KLHL1: variants seen among roughly 807,000 people sequenced by gnomAD.
KLHL1 encodes the protein kelch-like protein 1.
A neutral mutation model predicts 77.7 loss-of-function variants in KLHL1; 47 were observed. The ratio of observed to expected loss-of-function variants is 0.60; its 90% CI spans 0.48 to 0.77. KLHL1 has a LOEUF of 0.77. Among genes scored for constraint, KLHL1 ranks in the 30% least tolerant of loss-of-function variants. KLHL1 has a pLI of 0.00. For missense variants in KLHL1, 925 were observed against 910.8 expected (o/e 1.02, Z -0.20); for synonymous variants, 360 against 325.2 (o/e 1.11, Z -1.15).
At chr13:69,982,531 C>T (rs1884742317) in intron 1 of KLHL1, among the ~76,000 whole-genome samples, 2 of 148,112 alleles carry the variant, frequency 1.4e-5, no homozygotes, top group Admixed American at 6.7e-5. Flanking sequence ...ATCACTTAAC[C>T]TCAAAGGAAG....
chr13:69,960,919 G>C (rs764253664), intron 3 of KLHL1, among the ~76,000 whole-genome samples: 2 of 151,912 alleles, frequency 1.3e-5, no homozygotes, highest in Non-Finnish European at 2.9e-5. Flanking sequence ...TTACGTTAAA[G>C]TAACACATTC....
chr13:70,089,946 A>G (rs1887634350), intron 1 of KLHL1, among the ~76,000 whole-genome samples: 1 of 152,084 alleles, frequency 6.6e-6, no homozygotes, highest in African/African-American at 2.4e-5. Flanking sequence ...AAAGCTAGTT[A>G]TGATATGTTG....
chr13:70,019,615 G>T (rs1310960757), intron 1 of KLHL1, among the ~76,000 whole-genome samples: 1 of 152,104 alleles, frequency 6.6e-6, no homozygotes, highest in Non-Finnish European at 1.5e-5. Context: ...TTAAGTAGTT[G>T]CTATTACTAC....
In KLHL1 at chr13:70,012,316, T is replaced by G. The variant is rs558850261; in HGVS notation, c.498-36514A>C. 7.9e-5 allele frequency among the ~76,000 whole-genome samples: 12 copies of G among 152,340 alleles called. No homozygotes were observed. In the South Asian group the frequency reaches 2.5e-3, roughly 32 times the overall value. On this transcript the variant is annotated intron_variant, in intron 1 of 10. Coordinates refer to ENST00000377844, the MANE Select transcript of KLHL1 (RefSeq NM_020866.3). ...TCCCTTCACTATTTTCACCCTTTAATGTCTACCTTGCAGGCTGGAAACTAG... is the reference window on the plus strand; with the variant it reads ...TCCCTTCACTATTTTCACCCTTTAAGGTCTACCTTGCAGGCTGGAAACTAG...
intron 4 of KLHL1, among the ~76,000 whole-genome samples, chr13:69,932,898 GTTAA>G (rs747020501): frequency 1.3e-5 from 2 of 152,066 alleles, no homozygotes; most frequent in East Asian, 1.9e-4. Flanking sequence ...CAATTGATGT[GTTAA>G]TTAATTTGAT....
chr13:69,705,051 C>T (rs1875563511), intron 10 of KLHL1, among the ~76,000 whole-genome samples: 1 of 151,658 alleles, frequency 6.6e-6, no homozygotes, highest in Non-Finnish European at 1.5e-5. Flanking sequence ...TCTTTAGAGA[C>T]AGGTTAATAA....
At chr13:70,039,600 T>G (rs1434006522) in intron 1 of KLHL1, among the ~76,000 whole-genome samples, 1 of 151,916 alleles carries the variant, frequency 6.6e-6, no homozygotes, top group South Asian at 2.1e-4. Context: ...TTTATTTCTC[T>G]GTTTTGTTAA....
intron 7 of KLHL1, among the ~76,000 whole-genome samples, chr13:69,767,518 G>A (rs191634352): frequency 2.6e-5 from 4 of 152,116 alleles, no homozygotes; most frequent in African/African-American, 7.2e-5. Context: ...GTAACATACC[G>A]AGAACCTGTT....
intron 1 of KLHL1, among the ~76,000 whole-genome samples, chr13:70,024,650 C>T (rs1264697439): frequency 6.7e-6 from 1 of 149,760 alleles, no homozygotes; most frequent in Admixed American, 6.7e-5. Context: ...CTCTCTCTCT[C>T]TCTCTCTCTC....
intron 4 of KLHL1, among the ~76,000 whole-genome samples, chr13:69,892,079 C>G (rs991701949): frequency 6.6e-6 from 1 of 151,940 alleles, no homozygotes; most frequent in Non-Finnish European, 1.5e-5. Context: ...ACATTAACTT[C>G]CTGGTAGAGC....
At chr13:69,988,299 C>T (rs1013220728) in intron 1 of KLHL1, among the ~76,000 whole-genome samples, 11 of 152,188 alleles carry the variant, frequency 7.2e-5, no homozygotes, top group African/African-American at 2.6e-4. Flanking sequence ...TGACCTCATT[C>T]TTTTTCATGG....
chr13:69,803,841 T>A (rs1486618985), intron 6 of KLHL1, among the ~76,000 whole-genome samples: 1 of 152,182 alleles, frequency 6.6e-6, no homozygotes, highest in African/African-American at 2.4e-5. Flanking sequence ...AGTACCTCAG[T>A]TCTACAACCA....
At chr13:70,046,569 C>G (rs558183460) in intron 1 of KLHL1, among the ~76,000 whole-genome samples, 1 of 152,216 alleles carries the variant, frequency 6.6e-6, no homozygotes, top group Admixed American at 6.5e-5. Context: ...CTCATTGCAA[C>G]CTGCGCCTCC....
intron 1 of KLHL1, among the ~76,000 whole-genome samples, chr13:70,001,668 T>TCTATCTAA (rs1048952966): frequency 3.3e-4 from 49 of 148,478 alleles, no homozygotes; most frequent in Admixed American, 2.8e-3. Flanking sequence ...TATCTATCTA[T>TCTATCTAA]CTATCTATCT....
At chr13:70,075,561 G>GTT (rs369733589) in intron 1 of KLHL1, among the ~76,000 whole-genome samples, 1 of 117,504 alleles carries the variant, frequency 8.5e-6, no homozygotes, top group Non-Finnish European at 1.7e-5. Context: ...ACCTGTGTGT[G>GTT]TGTATGTGTA....
chr13:69,881,651 G>A (rs1195428146), intron 5 of KLHL1, among the ~76,000 whole-genome samples: 1 of 152,126 alleles, frequency 6.6e-6, no homozygotes, highest in Non-Finnish European at 1.5e-5. Flanking sequence ...TCTAAGTTGA[G>A]TGAACTTCAT....
chr13:70,098,228 T>C (rs910328583), intron 1 of KLHL1, among the ~76,000 whole-genome samples: 14 of 149,844 alleles, frequency 9.3e-5, no homozygotes, highest in Admixed American at 4.6e-4. Context: ...GTGAGGTAAG[T>C]AAGGCTGACT....
chr13:70,085,687 A>G (rs1887519134), intron 1 of KLHL1, among the ~76,000 whole-genome samples: 1 of 152,094 alleles, frequency 6.6e-6, no homozygotes, highest in Non-Finnish European at 1.5e-5. Flanking sequence ...AAATAGGTGA[A>G]ACCCTGTCTC....
chr13:69,811,095 G>A (rs953501734), intron 6 of KLHL1, among the ~76,000 whole-genome samples: 2 of 151,854 alleles, frequency 1.3e-5, no homozygotes, highest in South Asian at 4.1e-4. Context: ...AATCAAGGAG[G>A]GGGGCCTCCT....
Sources: gnomAD v4.1 joint callset for allele counts (sites outside exome capture counted in the v4.1 genomes callset) on GRCh38, gnomAD v4.1.1 for gene constraint, MANE v1.5 for transcripts, NCBI Gene and HGNC (gene_info 2026-07-23, HGNC 2026-07-21) for gene names.